The following TRAF2 variants were observed in gnomAD, a reference collection of about 807,000 sequenced individuals.
TRAF2 encodes TNF receptor associated factor 2.
Under a neutral mutation model 55.6 loss-of-function variants are expected in TRAF2, and 6 were observed. The ratio of observed to expected loss-of-function variants is 0.11; its 90% confidence interval spans 0.06 to 0.21. TRAF2 has a LOEUF of 0.21. Ranked by LOEUF, TRAF2 falls within the 10% of genes least tolerant of loss-of-function variation. The pLI is 1.00. For missense variants in TRAF2, 561 were observed against 684.5 expected (o/e 0.82, Z 2.01); for synonymous variants, 329 against 276.3 (o/e 1.19, Z -1.89).
At chr9:136,902,096 T>A (rs993537022) in intron 4 of TRAF2, 5 of 152,258 alleles carry the variant, frequency 3.3e-5, no homozygotes, top group African/African-American at 1.2e-4. Flanking sequence ...CCTACCTCTG[T>A]GGGCAGAGAT....
At chr9:136,904,086 GC>G (rs1443757446) in intron 4 of TRAF2, among the ~76,000 whole-genome samples, 5 of 152,238 alleles carry the variant, frequency 3.3e-5, no homozygotes, top group African/African-American at 1.2e-4. Context: ...CTGCCCCGCA[GC>G]ACCTGCCAGC....
At chr9:136,897,746 G>GTC (rs539301427) in intron 1 of TRAF2, among the ~76,000 whole-genome samples, 2 of 148,694 alleles carry the variant, frequency 1.3e-5, no homozygotes, top group East Asian at 4.0e-4. Context: ...CAGGGCTGGA[G>GTC]GGGAACCCGT....
At chr9:136,884,999 G>A (rs1462726143), upstream of TRAF2, among the ~76,000 whole-genome samples, 6 of 152,226 alleles carry the variant, frequency 3.9e-5, no homozygotes, top group African/African-American at 1.4e-4. Flanking sequence ...CTGCAGGTGC[G>A]GACTTGGGAC....
chr9:136,908,092 C>G lies in TRAF2; in HGVS notation c.389C>G (p.Pro130Arg). 1 of 1,605,208 alleles carries G rather than the reference C, an allele frequency of 6.2e-7. No individual in the cohort carries two copies. The highest frequency in any genetic ancestry group is 1.3e-5 in the African/African-American group (1 of 75,018). ...TAGAGCTGCCACGAAGGCCGCTGCCCGCTCATGCTGACCGAATGTCCCGCG... is the reference window on the plus strand; with the variant it reads ...TAGAGCTGCCACGAAGGCCGCTGCCGGCTCATGCTGACCGAATGTCCCGCG... ...EYESCHEGRCPLMLTECPACK... is the reference protein window; with the variant it reads ...EYESCHEGRCRLMLTECPACK... The change falls in exon 5 of 11, where the codon CCG becomes CGG. Residue 130 changes from proline to arginine, a missense_variant. Around this residue, in one of 2 missense-constraint regions of TRAF2, gnomAD observed 426 missense variants for 476.8 expected, o/e 0.89. Transcript: ENST00000247668.
At chr9:136,919,514 C>T (rs976850227) in intron 7 of TRAF2, among the ~76,000 whole-genome samples, 4 of 151,966 alleles carry the variant, frequency 2.6e-5, no homozygotes, top group East Asian at 1.9e-4. Flanking sequence ...AGGCTAGTCT[C>T]GAACTCCCGA....
chr9:136,888,310 A>G (rs1029962505), intron 1 of TRAF2, among the ~76,000 whole-genome samples: 1 of 152,194 alleles, frequency 6.6e-6, no homozygotes, highest in African/African-American at 2.4e-5. Flanking sequence ...TGACGCCTGT[A>G]GTCCCAGCTA....
chr9:136,892,021 T>G (rs994891690), intron 1 of TRAF2, among the ~76,000 whole-genome samples: 13 of 151,762 alleles, frequency 8.6e-5, no homozygotes, highest in Admixed American at 8.5e-4. Flanking sequence ...CCCGGCCCAT[T>G]CTGAATCTGT....
intron 1 of TRAF2, 76 bp downstream of exon 1, chr9:136,886,617 G>T: frequency 1.0e-6 from 1 of 967,700 alleles, no homozygotes; most frequent in Non-Finnish European, 1.2e-6. Context: ...GCGGGGTCGG[G>T]CGCAGGCGCG....
upstream of TRAF2, chr9:136,882,811 A>T: frequency 1.1e-6 from 1 of 903,940 alleles, no homozygotes; most frequent in Non-Finnish European, 1.3e-6. Context: ...CTTCCCAATC[A>T]GTGTGTGCCT....
chr9:136,921,314 G>A, intron 9 of TRAF2, 99 bp downstream of exon 9: 2 of 1,452,986 alleles, frequency 1.4e-6, no homozygotes, highest in Non-Finnish European at 1.9e-6. Flanking sequence ...CAAGGGTGGG[G>A]CTGGGATACG....
chr9:136,899,977 C>A, intron 3 of TRAF2, among the ~76,000 whole-genome samples: 1 of 152,070 alleles, frequency 6.6e-6, no homozygotes, highest in East Asian at 1.9e-4. Context: ...ACCAGCCTGG[C>A]GCACATGGTG....
chr9:136,918,841 T>C (rs1437956097), intron 7 of TRAF2, among the ~76,000 whole-genome samples: 1 of 150,310 alleles, frequency 6.7e-6, no homozygotes, highest in East Asian at 2.0e-4. Context: ...GTTCAAGTAC[T>C]CTCCTGCCTC....
At chr9:136,909,181 T>C (rs7388748) in intron 5 of TRAF2, among the ~76,000 whole-genome samples, 118,084 of 152,168 alleles carry the variant, frequency 0.78, 46,240 homozygotes, top group African/African-American at 0.88. Flanking sequence ...TGGGCTTTGC[T>C]CTCAAGACAG....
chr9:136,925,549 C>T (rs773000942), intron 10 of TRAF2, 134 bp from the exon 11 acceptor site: 40 of 896,204 alleles, frequency 4.5e-5, no homozygotes, highest in East Asian at 1.1e-4. Context: ...CACGTGGTCT[C>T]GGCTGGGCCT....
intron 9 of TRAF2, 61 bp from the exon 10 acceptor site, chr9:136,923,791 A>G (rs372642533): frequency 1.3e-6 from 2 of 1,558,814 alleles, no homozygotes; most frequent in Non-Finnish European, 1.8e-6. Context: ...GCCAGGCAGG[A>G]AGAGCCCTGC....
At chr9:136,884,942 C>G (rs998023050), upstream of TRAF2, among the ~76,000 whole-genome samples, 5 of 152,226 alleles carry the variant, frequency 3.3e-5, no homozygotes, top group Non-Finnish European at 7.3e-5. Flanking sequence ...CGCCTTCTTA[C>G]GTTTGAGAGC....
At chr9:136,896,621 G>A (rs965161739) in intron 1 of TRAF2, among the ~76,000 whole-genome samples, 1 of 152,116 alleles carries the variant, frequency 6.6e-6, no homozygotes, top group Non-Finnish European at 1.5e-5. Context: ...TATAAGGTTG[G>A]GGGGAACCGA....
At chr9:136,917,825 C>T (rs1158671787) in intron 7 of TRAF2, among the ~76,000 whole-genome samples, 1 of 152,160 alleles carries the variant, frequency 6.6e-6, no homozygotes, top group Non-Finnish European at 1.5e-5. Context: ...TGGCATCTGC[C>T]ATCTCTAGGA....
chr9:136,908,960 C>T (rs1428925834), intron 5 of TRAF2, among the ~76,000 whole-genome samples: 1 of 149,204 alleles, frequency 6.7e-6, no homozygotes, highest in African/African-American at 2.5e-5. Flanking sequence ...ATTGCTTGAA[C>T]CCAGGAGGCA....
Sources: gnomAD v4.1 joint callset for allele counts (sites outside exome capture counted in the v4.1 genomes callset) on GRCh38, gnomAD v4.1.1 for gene constraint, gnomAD v4.1.1 regional missense constraint, MANE v1.5 for transcripts, NCBI Gene and HGNC (gene_info 2026-07-23, HGNC 2026-07-21) for gene names.